Variants in CDH13 observed in about 807,000 individuals in gnomAD.
The protein encoded by CDH13 is cadherin-13.
A neutral mutation model predicts 63.8 loss-of-function variants in CDH13; 24 were observed. The observed-to-expected ratio is 0.38, with a 90% CI of 0.27 to 0.53. The LOEUF is 0.53. Among genes scored for constraint, CDH13 ranks in the 20% least tolerant of loss-of-function variants. The probability of loss-of-function intolerance (pLI) is 0.85; values close to 1 mark genes in which losing one functional copy is unlikely to be tolerated. For synonymous variants in CDH13, 503 were observed against 355.3 expected, an observed-to-expected ratio of 1.42 and a Z score of -4.67; for missense variants, 1,049 against 903.1, an observed-to-expected ratio of 1.16 and a Z score of -2.07.
chr16:82,703,478 C>T (rs550417806), intron 1 of CDH13, among the ~76,000 whole-genome samples: 1 of 152,220 alleles, frequency 6.6e-6, no homozygotes, highest in African/African-American at 2.4e-5. Context: ...CTCCCTTGCC[C>T]CTTTGGAGAT....
At chr16:83,101,059 T>C (rs1256474380) in intron 3 of CDH13, among the ~76,000 whole-genome samples, 1 of 152,132 alleles carries the variant, frequency 6.6e-6, no homozygotes, top group African/African-American at 2.4e-5. Context: ...AAATATTGAT[T>C]GAGCACCTAC....
At chr16:82,836,042 G>T (rs1255152857) in intron 1 of CDH13, among the ~76,000 whole-genome samples, 2 of 152,186 alleles carry the variant, frequency 1.3e-5, no homozygotes, top group Admixed American at 6.5e-5. Flanking sequence ...TGTCTGAAAT[G>T]CATTCTTCCC....
chr16:83,401,347 A>T (rs1329215261), intron 6 of CDH13, among the ~76,000 whole-genome samples: 1 of 151,312 alleles, frequency 6.6e-6, no homozygotes, highest in Non-Finnish European at 1.5e-5. Context: ...TCAAAAAAAA[A>T]AAAAGAAAAA....
intron 8 of CDH13, among the ~76,000 whole-genome samples, chr16:83,670,067 C>T (rs1322770050): frequency 6.6e-6 from 1 of 152,166 alleles, no homozygotes; most frequent in African/African-American, 2.4e-5. Context: ...AATAGAAACA[C>T]AGGTACATCA....
intron 4 of CDH13, among the ~76,000 whole-genome samples, chr16:83,187,073 T>A (rs2038549024): frequency 6.6e-6 from 1 of 152,092 alleles, no homozygotes; most frequent in African/African-American, 2.4e-5. Flanking sequence ...CGAGTTCAAG[T>A]GATCCTCCCA....
At chr16:83,394,372 A>C (rs755231716) in intron 6 of CDH13, among the ~76,000 whole-genome samples, 1 of 152,156 alleles carries the variant, frequency 6.6e-6, no homozygotes. Flanking sequence ...AGCCTGAAAG[A>C]GGCGAGAGAG....
At chr16:82,961,047 C>A (rs1051428929) in intron 2 of CDH13, among the ~76,000 whole-genome samples, 1 of 152,184 alleles carries the variant, frequency 6.6e-6, no homozygotes, top group Admixed American at 6.5e-5. Flanking sequence ...GCAGATGCTC[C>A]GTTTTTATGC....
At chr16:83,698,756 G>C (rs1247514994) in intron 10 of CDH13, among the ~76,000 whole-genome samples, 1 of 152,218 alleles carries the variant, frequency 6.6e-6, no homozygotes, top group Non-Finnish European at 1.5e-5. Context: ...TTCTGTTAGA[G>C]CACGGTTGGC....
chr16:83,296,552 C>G (rs1292922450), intron 5 of CDH13, among the ~76,000 whole-genome samples: 1 of 152,098 alleles, frequency 6.6e-6, no homozygotes, highest in Non-Finnish European at 1.5e-5. Flanking sequence ...CTCGGAGTGA[C>G]TTGGAGGATG....
chr16:83,469,478 A>G (rs936917938), intron 6 of CDH13, among the ~76,000 whole-genome samples: 1 of 152,178 alleles, frequency 6.6e-6, no homozygotes, highest in Admixed American at 6.5e-5. Context: ...CCCACCCTAT[A>G]TCTCAGCGGG....
intron 1 of CDH13, among the ~76,000 whole-genome samples, chr16:82,700,632 C>G (rs4264385): frequency 0.98 from 149,327 of 152,174 alleles, 73,333 homozygotes; most frequent in Middle Eastern, 1. Flanking sequence ...CTAAGAATCT[C>G]AGGTTTTCAG....
chr16:82,647,755 A>C (rs1275042385), intron 1 of CDH13, among the ~76,000 whole-genome samples: 1 of 152,178 alleles, frequency 6.6e-6, no homozygotes. Flanking sequence ...CAGCCCTGTA[A>C]TGGAAAAGCC....
At chr16:82,633,651 A>G (rs909079302) in intron 1 of CDH13, among the ~76,000 whole-genome samples, 1 of 152,178 alleles carries the variant, frequency 6.6e-6, no homozygotes, top group Non-Finnish European at 1.5e-5. Context: ...TGCTGGGATA[A>G]ACAGACGTGA....
intron 1 of CDH13, among the ~76,000 whole-genome samples, chr16:82,701,429 C>G (rs2031012702): frequency 6.6e-6 from 1 of 152,146 alleles, no homozygotes; most frequent in Non-Finnish European, 1.5e-5. Context: ...CATTGTCATT[C>G]TGTCTTCTGA....
intron 6 of CDH13, among the ~76,000 whole-genome samples, chr16:83,402,502 A>G (rs933157557): frequency 1.3e-5 from 2 of 152,240 alleles, no homozygotes; most frequent in South Asian, 2.1e-4. Context: ...GTGAAAATTA[A>G]CATATATTTT....
intron 3 of CDH13, among the ~76,000 whole-genome samples, chr16:83,068,812 C>G (rs1567799513): frequency 6.6e-6 from 1 of 152,164 alleles, no homozygotes; most frequent in Non-Finnish European, 1.5e-5. Flanking sequence ...CCCTGCTTGC[C>G]AATTTTTCTG....
At chr16:83,441,462 A>G (rs2072477940) in intron 6 of CDH13, among the ~76,000 whole-genome samples, 1 of 152,258 alleles carries the variant, frequency 6.6e-6, no homozygotes, top group Non-Finnish European at 1.5e-5. Context: ...GATTGGTAGA[A>G]TTAGGGATGG....
intron 5 of CDH13, among the ~76,000 whole-genome samples, chr16:83,319,574 T>C (rs1012187257): frequency 1.3e-5 from 2 of 152,212 alleles, no homozygotes; most frequent in South Asian, 4.1e-4. Flanking sequence ...ATATGAAATA[T>C]TGAAATCCTC....
chr16:82,742,763 T>G (rs544382560), intron 1 of CDH13, among the ~76,000 whole-genome samples: 1 of 152,322 alleles, frequency 6.6e-6, no homozygotes, highest in South Asian at 2.1e-4. Context: ...GTAATTTAAA[T>G]TATATCACAA....
Sources: allele counts gnomAD v4.1 joint callset (sites outside exome capture counted in the v4.1 genomes callset), GRCh38; gene constraint gnomAD v4.1.1; transcripts MANE v1.5; gene names NCBI Gene and HGNC (gene_info 2026-07-23, HGNC 2026-07-21).